Variants in FOXP2 observed in about 807,000 individuals in gnomAD.
FOXP2 encodes forkhead box protein P2.
A neutral mutation model predicts 115.8 loss-of-function variants in FOXP2; 12 were observed. The observed-to-expected ratio is 0.10, with a 90% CI of 0.07 to 0.17. The LOEUF (loss-of-function observed/expected upper bound fraction) is 0.17. Ranked by LOEUF, FOXP2 falls within the 10% of genes least tolerant of loss-of-function variation. The pLI is 1.00. For synonymous variants in FOXP2, 328 were observed against 297.7 expected (o/e 1.10, Z -1.05); for missense variants, 629 against 843.5 (o/e 0.75, Z 3.15).
At chr7:114,479,764 A>T (rs976519826) in intron 2 of FOXP2, among the ~76,000 whole-genome samples, 1 of 151,466 alleles carries the variant, frequency 6.6e-6, no homozygotes, top group African/African-American at 2.4e-5. Context: ...TATATAGTAA[A>T]TTTTTATTGG....
At position 114,592,049 on chromosome 7, in the gene FOXP2, G is replaced by A. The variant is rs533980123; in HGVS notation, c.259-36491G>A. ...TAGTGAGAAGATAGAAATACCTGAC[G>A]CACTATTTCTTAAATACAGATATAC... is the stretch of plus-strand genomic sequence containing the variant. On this transcript the variant is annotated intron_variant, in intron 3 of 16. Transcript: ENST00000350908. Among the ~76,000 whole-genome samples, 45 of 152,110 alleles carry A rather than the reference G, an allele frequency of 3.0e-4. No individual in the cohort carries two copies. The South Asian group carries it at 3.1e-3, about 11-fold the overall frequency.
intron 2 of FOXP2, among the ~76,000 whole-genome samples, chr7:114,348,824 C>G (rs1364457508): frequency 6.6e-6 from 1 of 152,056 alleles, no homozygotes; most frequent in Non-Finnish European, 1.5e-5. Flanking sequence ...TAACAATACC[C>G]TACCCTGCAG....
chr7:114,147,532 T>A (rs1792409208), intron 1 of FOXP2, among the ~76,000 whole-genome samples: 1 of 152,184 alleles, frequency 6.6e-6, no homozygotes, highest in Non-Finnish European at 1.5e-5. Flanking sequence ...ATACCCAGAC[T>A]GCATGCACCA....
intron 2 of FOXP2, among the ~76,000 whole-genome samples, chr7:114,314,832 T>G (rs537688786): frequency 1.3e-5 from 2 of 152,350 alleles, no homozygotes; most frequent in African/African-American, 4.8e-5. Flanking sequence ...CTGTGTGTTT[T>G]GTGAGGCATG....
At chr7:114,446,543 G>C (rs1324276048) in intron 2 of FOXP2, among the ~76,000 whole-genome samples, 1 of 151,690 alleles carries the variant, frequency 6.6e-6, no homozygotes, top group Non-Finnish European at 1.5e-5. Context: ...TTTTTAAAAA[G>C]CTGATTTATA....
At chr7:114,275,183 A>T (rs940495134) in intron 1 of FOXP2, among the ~76,000 whole-genome samples, 2 of 150,952 alleles carry the variant, frequency 1.3e-5, no homozygotes, top group Non-Finnish European at 2.9e-5. Context: ...AGTTTTCTGG[A>T]TCTGTGGGTT....
chr7:114,476,776 G>A (rs554269713), intron 2 of FOXP2, among the ~76,000 whole-genome samples: 1 of 152,042 alleles, frequency 6.6e-6, no homozygotes, highest in East Asian at 1.9e-4. Flanking sequence ...CCATTTGTTT[G>A]TGTCATCTCC....
At chr7:114,539,492 C>A (rs1799553742) in intron 3 of FOXP2, among the ~76,000 whole-genome samples, 1 of 151,552 alleles carries the variant, frequency 6.6e-6, no homozygotes, top group African/African-American at 2.4e-5. Flanking sequence ...TAAAGATATT[C>A]TTTACTATTT....
At chr7:114,089,446 CAT>C (rs1367845929) in intron 1 of FOXP2, among the ~76,000 whole-genome samples, 2 of 151,942 alleles carry the variant, frequency 1.3e-5, no homozygotes, top group Admixed American at 6.5e-5. Context: ...TAAAAGGAAA[CAT>C]AGACATATAT....
rs915085191 is a variant in FOXP2 at position 114,414,935 on chromosome 7, T to C, written c.-436T>C. 15 of 402,006 alleles carry C rather than the reference T, an allele frequency of 3.7e-5. No homozygotes were observed. The highest frequency in any genetic ancestry group is 6.5e-5 in the Non-Finnish European group (13 of 199,752). 24.9% of individuals were successfully genotyped at this position (402,006 alleles called of 1,614,324 possible). A position where few individuals can be genotyped will look rare whatever the true frequency, so the allele number is the denominator to read the frequency against. On this transcript the variant is annotated 5_prime_UTR_variant, in exon 1 of 17. Coordinates refer to ENST00000350908, the MANE Select transcript of FOXP2 (RefSeq NM_014491.4). ...ACTCACACACATGCACACACACACA[T>C]ACACACACACAAAAATGAAGCACTT...
In FOXP2 at chr7:114,124,538, CTGT is replaced by C. The variant is rs538348243; in HGVS notation, c.-247+36705_-247+36707del. 2.2e-4 allele frequency among the ~76,000 whole-genome samples: 34 copies of C among 152,108 alleles called. No individual in the cohort carries two copies. The East Asian group carries it at 6.2e-3, about 28-fold the overall frequency. ...AAGACTGATTAACACATGACATAAT[CTGT>C]TGTTATAGATCTGCTTTCCAATAAA... is the stretch of plus-strand genomic sequence containing the variant. On this transcript the variant is annotated intron_variant, in intron 1 of 19. Transcript: ENST00000635638.
chr7:114,373,928 T>C (rs564617558), intron 2 of FOXP2, among the ~76,000 whole-genome samples: 2 of 152,316 alleles, frequency 1.3e-5, no homozygotes, highest in South Asian at 2.1e-4. Context: ...TTCAAAAGTA[T>C]GCTTTTTTTT....
chr7:114,377,373 C>T (rs1055236045), intron 2 of FOXP2, among the ~76,000 whole-genome samples: 10 of 152,116 alleles, frequency 6.6e-5, no homozygotes, highest in Non-Finnish European at 1.5e-5. Context: ...ACATTGCCAA[C>T]TCCCACTTAG....
chr7:114,255,245 C>T (rs997874747), intron 1 of FOXP2, among the ~76,000 whole-genome samples: 1 of 152,212 alleles, frequency 6.6e-6, no homozygotes, highest in Non-Finnish European at 1.5e-5. Context: ...GTCAGGGACC[C>T]ACTTGAGGAG....
chr7:114,494,400 C>G (rs1036065702), intron 2 of FOXP2, among the ~76,000 whole-genome samples: 2 of 152,016 alleles, frequency 1.3e-5, no homozygotes, highest in Admixed American at 6.6e-5. Flanking sequence ...TCCAGGCTGG[C>G]CTCCCAAATC....
intron 2 of FOXP2, among the ~76,000 whole-genome samples, chr7:114,517,052 G>A (rs894225841): frequency 4.0e-5 from 6 of 151,798 alleles, no homozygotes; most frequent in Admixed American, 3.3e-4. Flanking sequence ...TCTAACAGAT[G>A]TGAGATGATA....
chr7:114,201,434 T>A (rs992642513), intron 1 of FOXP2, among the ~76,000 whole-genome samples: 2 of 152,134 alleles, frequency 1.3e-5, no homozygotes, highest in Admixed American at 1.3e-4. Context: ...AACATCCCTG[T>A]CTGGGCAACA....
At chr7:114,661,951 A>G in intron 13 of FOXP2, 114 bp from the exon 14 acceptor site, 1 of 1,340,882 alleles carries the variant, frequency 7.5e-7, no homozygotes, top group South Asian at 1.3e-5. Flanking sequence ...TTTAATACTT[A>G]AACATGTTAA....
At chr7:114,225,305 T>C (rs1366551553) in intron 1 of FOXP2, among the ~76,000 whole-genome samples, 1 of 152,210 alleles carries the variant, frequency 6.6e-6, no homozygotes, top group African/African-American at 2.4e-5. Flanking sequence ...TTGTATGGCC[T>C]TCCCCCCCTC....
Sources: allele counts gnomAD v4.1 joint callset (sites outside exome capture counted in the v4.1 genomes callset), GRCh38; gene constraint gnomAD v4.1.1; transcripts MANE v1.5; gene names NCBI Gene and HGNC (gene_info 2026-07-23, HGNC 2026-07-21).